The following COL18A1 variants were observed in gnomAD, a reference collection of about 807,000 sequenced individuals.
COL18A1 encodes the protein collagen alpha-1(XVIII) chain.
Under a neutral mutation model 168.0 loss-of-function variants are expected in COL18A1, and 133 were observed. The ratio of observed to expected loss-of-function variants is 0.79; its 90% CI spans 0.69 to 0.91. The LOEUF is 0.91. COL18A1 is among the 40% of genes least tolerant of loss of function. The pLI is 0.00. For synonymous variants in COL18A1, 949 were observed against 809.0 expected (o/e 1.17, Z -2.94); for missense variants, 2,126 against 1,925.4 (o/e 1.10, Z -1.95).
chr21:45,437,398 A>G (rs1423820984), intron 2 of COL18A1, among the ~76,000 whole-genome samples: 3 of 107,218 alleles, frequency 2.8e-5, no homozygotes, highest in Non-Finnish European at 3.6e-5. Context: ...TCTCCTGCAC[A>G]CACACACTCA....
In COL18A1 at chr21:45,477,751, G is replaced by A; in HGVS notation, c.1007G>A (p.Gly336Asp). The A allele has an allele frequency of 6.5e-7, 1 of 1,537,270 alleles. No individual in the cohort carries two copies. Among genetic ancestry groups the A allele is most frequent in the Non-Finnish European group, 8.8e-7 (1 of 1,141,898 alleles). The change falls in exon 8 of 42, where the codon GGC becomes GAC. Residue 336 changes from glycine (G) to aspartate (D), a missense_variant and splice_region_variant. Gly to Asp is a moderately conservative substitution (Grantham distance 94, BLOSUM62 -1). Coordinates refer to ENST00000651438, the MANE Select transcript of COL18A1 (RefSeq NM_001379500.1). Reference protein sequence around the residue: ...VRTPGGRVKEGGLKGQKGEPG... With the variant: ...VRTPGGRVKEDGLKGQKGEPG... ...GCCCTGTGTTCTGTTTATTCCCAGG[G>A]CGGCCTGAAGGGGCAGAAAGGGGAG...
rs66973107 is a variant in COL18A1 at position 45,479,185 on chromosome 21, T to TG, written c.1249-710dup. Among the ~76,000 whole-genome samples, 774 of 140,800 alleles carry TG rather than the reference T, an allele frequency of 5.5e-3. 3 individuals are homozygous for TG. The highest frequency in any genetic ancestry group is 0.019 in the African/African-American group (725 of 38,354). The allele number at this position is 140,800 out of a possible 152,430, so 92.4% of individuals were successfully genotyped here. ...GTGAATGTGTGACTGCGCGTGTGTG[T>TG]GGGGGGGTGAGGATCCACACGTACA... is the stretch of plus-strand genomic sequence containing the variant. On this transcript the variant is annotated intron_variant, in intron 9 of 41. Transcript: ENST00000651438.
intron 2 of COL18A1, among the ~76,000 whole-genome samples, chr21:45,419,268 TGTAGTGACGTGATGCCGG>T (rs1490577054): frequency 5.3e-5 from 8 of 151,838 alleles, no homozygotes; most frequent in Admixed American, 2.0e-4. Flanking sequence ...TGCAGTTCCG[TGTAGTGACGTGATGCCGG>T]GTAGTGACGT....
At chr21:45,510,938 AACAC>A (rs1440334117) in intron 40 of COL18A1, among the ~76,000 whole-genome samples, 169 bp from the exon 41 acceptor site, 2 of 42,038 alleles carry the variant, frequency 4.8e-5, no homozygotes, top group South Asian at 3.1e-3. Context: ...CCCCCAAAAA[AACAC>A]ACACCCACAA....
chr21:45,488,122 T>A (rs2036179860), intron 17 of COL18A1, among the ~76,000 whole-genome samples: 1 of 152,136 alleles, frequency 6.6e-6, no homozygotes, highest in South Asian at 2.1e-4. Flanking sequence ...AAGAGACACG[T>A]GGGGTGGCTG....
chr21:45,507,528 C>G (rs1488807128), intron 37 of COL18A1, 33 bp from the exon 38 acceptor site: 1 of 1,609,730 alleles, frequency 6.2e-7, no homozygotes, highest in Admixed American at 1.7e-5. Flanking sequence ...GGCCCAGCCG[C>G]AGGTCCTGGG....
Position 45,498,238 on chromosome 21 carries a change from G to A in COL18A1, c.2683+577G>A, listed in dbSNP as rs752115396. 8 of 703,940 alleles carry A rather than the reference G, an allele frequency of 1.1e-5. No individual in the cohort carries two copies. The highest frequency in any genetic ancestry group is 5.4e-5 in the East Asian group (2 of 37,266). The allele number at this position is 703,940 out of a possible 1,614,324, so 43.6% of individuals were successfully genotyped here. Reference sequence around the variant, plus strand: ...AACCACTGTTTGAGGATGTCTGGGGGCTGGCAGAGCAGAAGCCCAGAGAGC... The same window carrying A: ...AACCACTGTTTGAGGATGTCTGGGGACTGGCAGAGCAGAAGCCCAGAGAGC... On this transcript the variant is annotated intron_variant, in intron 32 of 41. Coordinates refer to ENST00000651438, the MANE Select transcript of COL18A1 (RefSeq NM_001379500.1). This position sits in a 1 kb window ranked among gnomAD's most constrained non-coding sequence, Gnocchi z 4.5.
At chr21:45,480,948 A>G in intron 13 of COL18A1, 90 bp downstream of exon 13, 1 of 1,504,056 alleles carries the variant, frequency 6.6e-7, no homozygotes, top group Non-Finnish European at 8.9e-7. Context: ...GCCCCGCCTC[A>G]GGCCTCCCCA....
At chr21:45,421,615 C>A (rs1316488557) in intron 2 of COL18A1, 2 of 532,660 alleles carry the variant, frequency 3.8e-6, no homozygotes, top group South Asian at 1.4e-5. Flanking sequence ...CTCTTGCCTG[C>A]AGGCCTGGAA....
intron 2 of COL18A1, among the ~76,000 whole-genome samples, chr21:45,458,550 C>T (rs1307064194): frequency 1.3e-5 from 2 of 152,160 alleles, no homozygotes; most frequent in Admixed American, 6.5e-5. Flanking sequence ...AAGCACCAGC[C>T]GCCTTGCAGG....
intron 32 of COL18A1, among the ~76,000 whole-genome samples, chr21:45,501,499 G>T (rs2036822900): frequency 6.6e-6 from 1 of 152,150 alleles, no homozygotes; most frequent in Admixed American, 6.5e-5. Flanking sequence ...TGCCCACAGG[G>T]CAGTGGTCTT....
At chr21:45,435,213 T>C (rs1479485072) in intron 2 of COL18A1, among the ~76,000 whole-genome samples, 1 of 108,500 alleles carries the variant, frequency 9.2e-6, no homozygotes, top group Non-Finnish European at 1.9e-5. Flanking sequence ...AGGGGGTCGA[T>C]GGGAGGAAGA....
At chr21:45,472,565 G>T (rs1166781090) in intron 3 of COL18A1, among the ~76,000 whole-genome samples, 1 of 152,130 alleles carries the variant, frequency 6.6e-6, no homozygotes, top group African/African-American at 2.4e-5. Context: ...TGACCTGGGG[G>T]CTCCTGAATG....
chr21:45,491,731 C>T (rs1243576709), intron 22 of COL18A1, among the ~76,000 whole-genome samples: 1 of 152,230 alleles, frequency 6.6e-6, no homozygotes, highest in African/African-American at 2.4e-5. Flanking sequence ...GCCCGTCCAT[C>T]AGGCCTCTCA....
intron 2 of COL18A1, among the ~76,000 whole-genome samples, chr21:45,427,776 C>T (rs767218153): frequency 4.6e-5 from 7 of 152,200 alleles, no homozygotes; most frequent in East Asian, 1.9e-4. Context: ...GACTCCCATG[C>T]GCCCTGGCCC....
At chr21:45,484,879 AAAT>A (rs1344525782) in intron 15 of COL18A1, among the ~76,000 whole-genome samples, 1 of 152,256 alleles carries the variant, frequency 6.6e-6, no homozygotes, top group Non-Finnish European at 1.5e-5. Context: ...GCATGTATGA[AAAT>A]AATGAAAGTT....
At chr21:45,480,951 C>T in intron 13 of COL18A1, 93 bp downstream of exon 13, 1 of 1,495,054 alleles carries the variant, frequency 6.7e-7, no homozygotes, top group Non-Finnish European at 9.0e-7. Flanking sequence ...CCGCCTCAGG[C>T]CTCCCCAGTC....
intron 29 of COL18A1, chr21:45,495,865 GTA>G (rs1329709835): frequency 3.2e-6 from 1 of 313,834 alleles, no homozygotes; most frequent in African/African-American, 2.2e-5. Context: ...ACATGTGCAC[GTA>G]TCCACATGTG....
At chr21:45,437,513 C>T (rs200233170) in intron 2 of COL18A1, among the ~76,000 whole-genome samples, 1 of 60,198 alleles carries the variant, frequency 1.7e-5, no homozygotes, top group Admixed American at 1.5e-4. Context: ...CACTCTCCTG[C>T]ACACACACAC....
Sources: gnomAD v4.1 joint callset for allele counts (sites outside exome capture counted in the v4.1 genomes callset) on GRCh38, gnomAD v4.1.1 for gene constraint, Gnocchi (gnomAD v3.1) non-coding constraint, MANE v1.5 for transcripts, NCBI Gene and HGNC (gene_info 2026-07-23, HGNC 2026-07-21) for gene names.